SCLT1: variants seen among roughly 807,000 people sequenced by gnomAD.
SCLT1 encodes sodium channel and clathrin linker 1, also known as sodium channel-associated protein 1.
Under a neutral mutation model 112.8 loss-of-function variants are expected in SCLT1, and 78 were observed. The observed-to-expected ratio is 0.69, with a 90% CI of 0.58 to 0.83. The LOEUF is 0.83. Ranked by LOEUF, SCLT1 falls within the 40% of genes least tolerant of loss-of-function variation. SCLT1 has a pLI of 0.00. For missense variants in SCLT1, 747 were observed against 770.4 expected, an observed-to-expected ratio of 0.97 and a Z score of 0.36; for synonymous variants, 257 against 254.7, an observed-to-expected ratio of 1.01 and a Z score of -0.09.
intron 18 of SCLT1, among the ~76,000 whole-genome samples, chr4:128,922,756 A>G (rs895124715): frequency 2.6e-5 from 4 of 152,194 alleles, no homozygotes; most frequent in Admixed American, 2.6e-4. Context: ...CAACTTCCCT[A>G]CACAACAAAC....
intron 17 of SCLT1, among the ~76,000 whole-genome samples, chr4:128,938,259 T>G (rs2125983873): frequency 1.3e-5 from 2 of 152,320 alleles, no homozygotes; most frequent in Middle Eastern, 6.8e-3. Context: ...TCAACTTTAG[T>G]GTGTCAAAAA....
intron 17 of SCLT1, among the ~76,000 whole-genome samples, chr4:128,941,981 A>AT: frequency 6.6e-6 from 1 of 151,946 alleles, no homozygotes; most frequent in East Asian, 1.9e-4. Context: ...TCTAGACTCA[A>AT]TTTTTTGCCA....
chr4:128,900,473 T>C (rs1734185347), intron 18 of SCLT1, among the ~76,000 whole-genome samples: 1 of 151,990 alleles, frequency 6.6e-6, no homozygotes, highest in Non-Finnish European at 1.5e-5. Flanking sequence ...TGGCTAGCCA[T>C]ATGTAGAAAG....
chr4:129,089,771 C>T (rs1752676394), intron 1 of SCLT1, among the ~76,000 whole-genome samples: 1 of 152,082 alleles, frequency 6.6e-6, no homozygotes, highest in Non-Finnish European at 1.5e-5. Context: ...GAACAGAACA[C>T]CAAACACCGC....
chr4:128,958,466 C>G (rs1739398338), intron 12 of SCLT1, among the ~76,000 whole-genome samples: 1 of 152,154 alleles, frequency 6.6e-6, no homozygotes, highest in Non-Finnish European at 1.5e-5. Context: ...TAGACAGCCT[C>G]TGTGAGCGTC....
chr4:129,050,723 T>C (rs1467458189), intron 2 of SCLT1, among the ~76,000 whole-genome samples: 1 of 152,244 alleles, frequency 6.6e-6, no homozygotes, highest in Admixed American at 6.5e-5. Flanking sequence ...ATGCAGAAGC[T>C]CTTTAGTTTA....
chr4:128,943,458 G>A (rs1368073777), intron 16 of SCLT1, among the ~76,000 whole-genome samples: 1 of 152,000 alleles, frequency 6.6e-6, no homozygotes, highest in Non-Finnish European at 1.5e-5. Context: ...TTTCAAATTT[G>A]TACTAACATT....
chr4:128,974,102 T>C (rs1740941629), intron 9 of SCLT1, among the ~76,000 whole-genome samples: 1 of 152,144 alleles, frequency 6.6e-6, no homozygotes, highest in African/African-American at 2.4e-5. Flanking sequence ...TTCAAATAAG[T>C]TAATACATAT....
intron 6 of SCLT1, among the ~76,000 whole-genome samples, chr4:129,000,481 T>C (rs1743379434): frequency 6.6e-6 from 1 of 151,986 alleles, no homozygotes; most frequent in Non-Finnish European, 1.5e-5. Flanking sequence ...CTTTTAAACT[T>C]TGAAAGGTCC....
intron 17 of SCLT1, among the ~76,000 whole-genome samples, chr4:128,939,734 T>A (rs1402170134): frequency 6.6e-6 from 1 of 152,134 alleles, no homozygotes; most frequent in East Asian, 1.9e-4. Context: ...GGCATTAAGA[T>A]CAAATGAAAA....
chr4:129,064,850 A>G (rs1159130999), intron 2 of SCLT1, among the ~76,000 whole-genome samples: 2 of 152,130 alleles, frequency 1.3e-5, no homozygotes, highest in African/African-American at 2.4e-5. Flanking sequence ...AAAACAAATT[A>G]TAAGTAATTT....
chr4:129,032,175 A>G (rs1746783104), intron 5 of SCLT1, among the ~76,000 whole-genome samples: 1 of 152,134 alleles, frequency 6.6e-6, no homozygotes, highest in Admixed American at 6.5e-5. Context: ...AAAACTCAGA[A>G]ATAACACCAC....
At chr4:129,072,952 G>A (rs933976926) in intron 2 of SCLT1, among the ~76,000 whole-genome samples, 3 of 152,028 alleles carry the variant, frequency 2.0e-5, no homozygotes, top group Non-Finnish European at 2.9e-5. Context: ...GAAAGGTCTA[G>A]GGCTGAAAAC....
chr4:128,903,932 C>G (rs541319515), intron 18 of SCLT1, among the ~76,000 whole-genome samples: 1 of 152,232 alleles, frequency 6.6e-6, no homozygotes, highest in African/African-American at 2.4e-5. Flanking sequence ...ATAAGACTTT[C>G]CAGAAAGTTT....
intron 18 of SCLT1, among the ~76,000 whole-genome samples, chr4:128,891,872 T>C (rs888244142): frequency 6.6e-6 from 1 of 152,118 alleles, no homozygotes; most frequent in Non-Finnish European, 1.5e-5. Context: ...CTTGAACTCC[T>C]CAGCTCAAGC....
chr4:129,055,541 C>T (rs1411769212), intron 2 of SCLT1, among the ~76,000 whole-genome samples: 4 of 152,140 alleles, frequency 2.6e-5, no homozygotes, highest in Non-Finnish European at 5.9e-5. Context: ...TTGAGTTCTG[C>T]CCAGTCTGAC....
At chr4:128,981,528 C>T (rs960697988) in intron 9 of SCLT1, among the ~76,000 whole-genome samples, 1 of 152,076 alleles carries the variant, frequency 6.6e-6, no homozygotes, top group Admixed American at 6.6e-5. Flanking sequence ...ATGGCCCCAC[C>T]TGGACCTGCC....
At chr4:128,949,645 T>C (rs1738526902) in intron 14 of SCLT1, among the ~76,000 whole-genome samples, 1 of 152,070 alleles carries the variant, frequency 6.6e-6, no homozygotes, top group Non-Finnish European at 1.5e-5. Context: ...TTTTTTGTCC[T>C]TGTGATAGTT....
chr4:129,011,552 C>T (rs1744523090), intron 5 of SCLT1, among the ~76,000 whole-genome samples: 1 of 150,386 alleles, frequency 6.6e-6, no homozygotes, highest in African/African-American at 2.4e-5. Context: ...ATGTCCCCAG[C>T]TTTCTTCTTT....
Sources: gnomAD v4.1 joint callset for allele counts (sites outside exome capture counted in the v4.1 genomes callset) on GRCh38, gnomAD v4.1.1 for gene constraint, MANE v1.5 for transcripts, NCBI Gene and HGNC (gene_info 2026-07-23, HGNC 2026-07-21) for gene names.